AHDC1: variants seen among roughly 807,000 people sequenced by gnomAD.
AHDC1 encodes transcription factor Gibbin.
A neutral mutation model predicts 87.9 loss-of-function variants in AHDC1; 7 were observed. The ratio of observed to expected loss-of-function variants is 0.08; its 90% CI spans 0.05 to 0.15. AHDC1 has a LOEUF of 0.15. Among genes scored for constraint, AHDC1 ranks in the 10% least tolerant of loss-of-function variants. AHDC1 has a pLI of 1.00. For synonymous variants in AHDC1, 1,051 were observed against 1,006.8 expected (o/e 1.04, Z -0.83); for missense variants, 1,841 against 2,253.2 (o/e 0.82, Z 3.70).
At position 27,601,047 on chromosome 1, in the gene AHDC1, A is replaced by G. The variant is rs563241454; in HGVS notation, c.-629+2350T>C. ...TTCCAGACCCCCCAGCCCAGCAACA[A>G]TAATAAACAGCAAGCTCTTTTTCTT... On this transcript the variant is annotated intron_variant, in intron 3 of 8. Transcript: ENST00000673934. Among the ~76,000 whole-genome samples the G allele has an allele frequency of 1.4e-4, 22 of 152,258 alleles. No homozygotes were observed. In the South Asian group the frequency reaches 1.9e-3, roughly 13 times the overall value.
intron 3 of AHDC1, among the ~76,000 whole-genome samples, chr1:27,586,502 T>A (rs532740860): frequency 6.6e-6 from 1 of 152,098 alleles, no homozygotes; most frequent in Non-Finnish European, 1.5e-5. Flanking sequence ...CATTAATTAA[T>A]TAAAATAAAC....
chr1:27,598,479 T>C lies in AHDC1; in HGVS notation c.-629+4918A>G, dbSNP rs2089437426. The stretch of plus-strand genomic sequence containing the variant: ...GGAGGGGCCAGGAGAGGCCAGGCCT[T>C]GGGCGAAGGAGGGGCTGGGAGCCAG... On this transcript the variant is annotated intron_variant, in intron 3 of 8. Coordinates refer to ENST00000673934, the MANE Select transcript of AHDC1 (RefSeq NM_001371928.1). This position sits in a 1 kb window ranked among gnomAD's most constrained non-coding sequence, Gnocchi z 4.2. Among the ~76,000 whole-genome samples the C allele has an allele frequency of 6.6e-6, 1 of 152,104 alleles. No individual in the cohort carries two copies. Among genetic ancestry groups the C allele is most frequent in the Non-Finnish European group, 1.5e-5 (1 of 67,984 alleles).
intron 3 of AHDC1, among the ~76,000 whole-genome samples, chr1:27,586,492 CATTA>C (rs369633805): frequency 1.3e-3 from 204 of 152,296 alleles, no homozygotes; most frequent in African/African-American, 4.4e-3. Flanking sequence ...GATTACCCGT[CATTA>C]ATTAATTAAA....
intron 3 of AHDC1, among the ~76,000 whole-genome samples, chr1:27,582,083 G>A (rs1469738164): frequency 6.6e-6 from 1 of 152,224 alleles, no homozygotes; most frequent in Non-Finnish European, 1.5e-5. Flanking sequence ...TTGGCTCCAG[G>A]AAACAGGCCT....
chr1:27,577,237 G>T (rs888866609), intron 3 of AHDC1, among the ~76,000 whole-genome samples: 8 of 152,202 alleles, frequency 5.3e-5, no homozygotes, highest in African/African-American at 1.9e-4. Flanking sequence ...AAAGAAAATT[G>T]CCTTTGGCCA....
chr1:27,547,937 G>T lies in AHDC1; in HGVS notation c.4179C>A (p.Gly1393=). The T allele has an allele frequency of 6.3e-7, 1 of 1,585,550 alleles. No homozygotes were observed. Among genetic ancestry groups the T allele is most frequent in the Non-Finnish European group, 8.6e-7 (1 of 1,162,338 alleles). Residue 1393 remains glycine (G), a synonymous_variant, in exon 8 of 9, where the codon GGC becomes GGA. Coordinates refer to ENST00000673934, the MANE Select transcript of AHDC1 (RefSeq NM_001371928.1). This position sits in a 1 kb window ranked among gnomAD's most constrained non-coding sequence, Gnocchi z 4.9. ...AGGTGGGCGAGTATGCCTTCTGCAG[G>T]CCGGCGTCAAACACCGTGGGTGGGT... is the stretch of plus-strand genomic sequence containing the variant. ...LAHPPTVFDA[G]LQKAYSPTCS...
At position 27,550,351 on chromosome 1, in the gene AHDC1, G is replaced by A. The variant is rs941203942; in HGVS notation, c.1765C>T (p.Arg589Trp). The A allele has an allele frequency of 3.7e-6, 6 of 1,614,026 alleles. No individual in the cohort carries two copies. Among genetic ancestry groups the A allele is most frequent in the Non-Finnish European group, 5.1e-6 (6 of 1,179,990 alleles). The change falls in exon 8 of 9, where the codon CGG (arginine) becomes TGG (tryptophan). Residue 589 changes from arginine (R) to tryptophan (W), a missense_variant. Transcript: ENST00000673934. ...MAMPEVKKRRRRKQKLASPQP... is the reference protein window; with the variant it reads ...MAMPEVKKRRWRKQKLASPQP... ...GGAGATGCCAGCTTCTGCTTCCGCCGCCGTCGTTTTTTTACCTCTGGCATG... is the reference window on the plus strand; with the variant it reads ...GGAGATGCCAGCTTCTGCTTCCGCCACCGTCGTTTTTTTACCTCTGGCATG...
intron 3 of AHDC1, 124 bp from the exon 4 acceptor site, chr1:27,559,007 C>G (rs1430870861): frequency 2.5e-6 from 1 of 397,372 alleles, no homozygotes; most frequent in Non-Finnish European, 4.4e-6. Context: ...CCACCTCCAA[C>G]CTCATCGCAT....
rs1417375806 is a variant in AHDC1, at chr1:27,565,348, C to T, written c.-628-6465G>A. Reference sequence around the variant, plus strand: ...CCAGAGGTGAGGCCTGACTCCCCTACCCCAGGGCCTGTTTGCCCACGACTC... The same window carrying T: ...CCAGAGGTGAGGCCTGACTCCCCTATCCCAGGGCCTGTTTGCCCACGACTC... On this transcript the variant is annotated intron_variant, in intron 3 of 8. Coordinates refer to ENST00000673934, the MANE Select transcript of AHDC1 (RefSeq NM_001371928.1). This position sits in a 1 kb window ranked among gnomAD's most constrained non-coding sequence, Gnocchi z 4.6. Among the ~76,000 whole-genome samples the T allele has an allele frequency of 3.3e-5, 5 of 152,130 alleles. No individual in the cohort carries two copies.
intron 3 of AHDC1, among the ~76,000 whole-genome samples, chr1:27,578,702 CTT>C (rs911677768): frequency 2.1e-5 from 3 of 145,026 alleles, no homozygotes; most frequent in Non-Finnish European, 3.0e-5. Context: ...TGTGGCTTCT[CTT>C]TTTTTTTTTT....
At chr1:27,592,329 TGTCACCCACCCAGCTC>T (rs1427945508) in intron 3 of AHDC1, among the ~76,000 whole-genome samples, 7 of 151,944 alleles carry the variant, frequency 4.6e-5, no homozygotes, top group Non-Finnish European at 8.8e-5. Context: ...CCGCACCACC[TGTCACCCACCCAGCTC>T]GTCACCCACC....
Position 27,549,115 on chromosome 1 carries a change from C to G in AHDC1, c.3001G>C (p.Ala1001Pro). ...DCANSKDCSFAYGSGNSLPAS... is the reference protein window; with the variant it reads ...DCANSKDCSFPYGSGNSLPAS... Reference sequence around the variant, plus strand: ...GGGAGGCTGTTGCCACTGCCATAGGCGAAGCTGCAGTCCTTGCTGTTAGCG... The same window carrying G: ...GGGAGGCTGTTGCCACTGCCATAGGGGAAGCTGCAGTCCTTGCTGTTAGCG... Residue 1001 changes from alanine (A) to proline (P), a missense_variant, in exon 8 of 9, where the codon GCC becomes CCC. Transcript: ENST00000673934. 6.4e-7 allele frequency: 1 copy of G among 1,552,394 alleles called. No individual in the cohort carries two copies. Among genetic ancestry groups the G allele is most frequent in the Non-Finnish European group, 8.7e-7 (1 of 1,147,704 alleles).
chr1:27,579,106 A>G (rs1214934657), intron 3 of AHDC1, among the ~76,000 whole-genome samples: 1 of 148,830 alleles, frequency 6.7e-6, no homozygotes, highest in African/African-American at 2.5e-5. Flanking sequence ...GTGCAGCGGT[A>G]TAATCACAGC....
At chr1:27,542,866 G>A (rs1344279168) in intron 8 of AHDC1, among the ~76,000 whole-genome samples, 2 of 152,242 alleles carry the variant, frequency 1.3e-5, no homozygotes, top group Non-Finnish European at 1.5e-5. Context: ...ATGGCTGCAG[G>A]AGTGGCAAGA....
At position 27,563,928 on chromosome 1, in the gene AHDC1, G is replaced by A. The variant is rs1044592991; in HGVS notation, c.-628-5045C>T. 6.6e-6 allele frequency among the ~76,000 whole-genome samples: 1 copy of A among 152,222 alleles called. No individual in the cohort carries two copies. The highest frequency in any genetic ancestry group is 1.5e-5 in the Non-Finnish European group (1 of 68,036). On this transcript the variant is annotated intron_variant, in intron 3 of 8. Transcript: ENST00000673934. This position sits in a 1 kb window ranked among gnomAD's most constrained non-coding sequence, Gnocchi z 6.1. The stretch of plus-strand genomic sequence containing the variant: ...GGGGCTGAATGAGTGGTGGAGGGAG[G>A]GCTGTCCTGAGGCGCTGTTACTATG...
rs141366276 is a variant in AHDC1, at chr1:27,548,711, G to T, written c.3405C>A (p.His1135Gln). 1.9e-6 allele frequency: 3 copies of T among 1,613,348 alleles called. No homozygotes were observed. In the South Asian group the frequency reaches 3.3e-5, roughly 18 times the overall value. ...CCAGGATCACGTTGGGCTCGCTGAC[G>T]TGGCAGTCAAAACTGGGATTGTAGA... is the stretch of plus-strand genomic sequence containing the variant. ...SQLYNPSFDC[H>Q]VSEPNVILDI... The change falls in exon 8 of 9, where the codon CAC (histidine) becomes CAA (glutamine). Residue 1135 changes from histidine (H) to glutamine (Q), a missense_variant. This residue lies in a region of AHDC1 where 378 missense variants were observed against 399.0 expected (regional missense o/e 0.95). Coordinates refer to ENST00000673934, the MANE Select transcript of AHDC1 (RefSeq NM_001371928.1).
chr1:27,570,926 G>T (rs913754191), intron 3 of AHDC1, among the ~76,000 whole-genome samples: 1 of 151,944 alleles, frequency 6.6e-6, no homozygotes, highest in African/African-American at 2.4e-5. Context: ...GCAGGAATGT[G>T]ACTGGTCAGG....
chr1:27,573,494 T>C (rs910040703), intron 3 of AHDC1, among the ~76,000 whole-genome samples: 19 of 152,098 alleles, frequency 1.2e-4, no homozygotes, highest in Non-Finnish European at 1.5e-5. Flanking sequence ...GAATCTGTAG[T>C]CCTAGAGAGT....
intron 8 of AHDC1, among the ~76,000 whole-genome samples, chr1:27,546,929 T>G (rs2019194462): frequency 6.6e-6 from 1 of 152,192 alleles, no homozygotes; most frequent in Admixed American, 6.5e-5. Flanking sequence ...ACTCACTTCC[T>G]GCCCAAGACA....
Sources: gnomAD v4.1 joint callset for allele counts (sites outside exome capture counted in the v4.1 genomes callset) on GRCh38, gnomAD v4.1.1 for gene constraint, gnomAD v4.1.1 regional missense constraint, Gnocchi (gnomAD v3.1) non-coding constraint, MANE v1.5 for transcripts, NCBI Gene and HGNC (gene_info 2026-07-23, HGNC 2026-07-21) for gene names.